The following DDR2 variants were observed in gnomAD, a reference collection of about 807,000 sequenced individuals.
The protein encoded by DDR2 is discoidin domain-containing receptor 2.
In DDR2, 27 loss-of-function variants were observed where a neutral mutation model predicts 94.9. The observed-to-expected ratio is 0.28, with a 90% confidence interval of 0.21 to 0.39. DDR2 has a LOEUF of 0.39. Ranked by LOEUF, DDR2 falls within the 10% of genes least tolerant of loss-of-function variation. DDR2 has a pLI of 1.00. For synonymous variants in DDR2, 382 were observed against 377.2 expected, an observed-to-expected ratio of 1.01 and a Z score of -0.15; for missense variants, 783 against 1,076.0, an observed-to-expected ratio of 0.73 and a Z score of 3.81.
At chr1:162,760,923 A>G (rs1346035178) in intron 8 of DDR2, among the ~76,000 whole-genome samples, 1 of 152,020 alleles carries the variant, frequency 6.6e-6, no homozygotes, top group African/African-American at 2.4e-5. Context: ...AGATACATAC[A>G]CACATATGTG....
In DDR2 at chr1:162,682,420, T is replaced by C. The variant is rs549144364; in HGVS notation, c.-28+27046T>C. On this transcript the variant is annotated intron_variant, in intron 2 of 17. Coordinates refer to ENST00000367921, the MANE Select transcript of DDR2 (RefSeq NM_006182.4). ...TGCAAGTACTGTCAGGCCAGGGGCC[T>C]GACCAGTGAACTGGAACTTTACTTC... Among the ~76,000 whole-genome samples the C allele has an allele frequency of 5.9e-5, 9 of 152,340 alleles. No individual in the cohort carries two copies. In the South Asian group the frequency reaches 1.9e-3, roughly 32 times the overall value.
chr1:162,775,120 A>G (rs752570373), intron 14 of DDR2, among the ~76,000 whole-genome samples: 2 of 152,158 alleles, frequency 1.3e-5, no homozygotes, highest in Non-Finnish European at 2.9e-5. Context: ...TACTAAATAC[A>G]TGTTGCAACT....
At chr1:162,694,623 C>A (rs1660105284) in intron 2 of DDR2, among the ~76,000 whole-genome samples, 2 of 152,034 alleles carry the variant, frequency 1.3e-5, no homozygotes, top group African/African-American at 4.8e-5. Flanking sequence ...CTCTAAGACA[C>A]ATGTGGGAAG....
intron 3 of DDR2, among the ~76,000 whole-genome samples, chr1:162,748,934 A>G (rs1322752802): frequency 6.6e-6 from 1 of 152,210 alleles, no homozygotes; most frequent in African/African-American, 2.4e-5. Context: ...GAAGGCAGAA[A>G]TAAAGATGTT....
At chr1:162,759,294 A>T (rs1210356464) in intron 7 of DDR2, among the ~76,000 whole-genome samples, 2 of 152,222 alleles carry the variant, frequency 1.3e-5, no homozygotes, top group African/African-American at 2.4e-5. Context: ...CTGAACAATG[A>T]CAATATGTAG....
intron 3 of DDR2, among the ~76,000 whole-genome samples, chr1:162,725,149 T>A (rs1661593936): frequency 1.3e-5 from 2 of 152,118 alleles, no homozygotes; most frequent in African/African-American, 4.8e-5. Context: ...CACAATAATC[T>A]TATTAGTATT....
chr1:162,718,123 A>T (rs1297966897), intron 2 of DDR2, among the ~76,000 whole-genome samples: 1 of 152,210 alleles, frequency 6.6e-6, no homozygotes, highest in Non-Finnish European at 1.5e-5. Flanking sequence ...ATAATTCAAT[A>T]CTGCTGTTTT....
At chr1:162,654,900 A>G (rs1411298163) in intron 1 of DDR2, among the ~76,000 whole-genome samples, 3 of 152,176 alleles carry the variant, frequency 2.0e-5, no homozygotes, top group African/African-American at 7.2e-5. Context: ...GTTGAAGATA[A>G]AGTTATTTTT....
At chr1:162,725,645 G>A (rs1661627004) in intron 3 of DDR2, among the ~76,000 whole-genome samples, 1 of 152,128 alleles carries the variant, frequency 6.6e-6, no homozygotes, top group Non-Finnish European at 1.5e-5. Context: ...ACAGGCATGA[G>A]CCACCACACC....
intron 2 of DDR2, among the ~76,000 whole-genome samples, chr1:162,711,076 A>G (rs1660888944): frequency 6.6e-6 from 1 of 152,230 alleles, no homozygotes; most frequent in Non-Finnish European, 1.5e-5. Flanking sequence ...TGGATCTGGA[A>G]AAATGGACTC....
chr1:162,675,238 G>T (rs569698658), intron 2 of DDR2, among the ~76,000 whole-genome samples: 4 of 152,328 alleles, frequency 2.6e-5, no homozygotes, highest in African/African-American at 9.6e-5. Context: ...GGATGATGCT[G>T]GATGGTGGAG....
intron 2 of DDR2, among the ~76,000 whole-genome samples, chr1:162,712,964 T>G (rs998153310): frequency 2.0e-5 from 3 of 152,154 alleles, no homozygotes; most frequent in African/African-American, 7.2e-5. Context: ...CCAACTCTAA[T>G]TCAGCACAAT....
At chr1:162,728,352 G>A (rs1661828111) in intron 3 of DDR2, among the ~76,000 whole-genome samples, 1 of 151,628 alleles carries the variant, frequency 6.6e-6, no homozygotes, top group Non-Finnish European at 1.5e-5. Context: ...GAGTTAGCTG[G>A]AGCTGAAAGA....
In DDR2 at chr1:162,670,381, C is replaced by T. The variant is rs139736240; in HGVS notation, c.-28+15007C>T. On this transcript the variant is annotated intron_variant, in intron 2 of 17. Transcript: ENST00000367921. ...TTGGCCTCCCAAGGTACTGGGATTA[C>T]AGGCGTGAGCCATTGTGCCTGGCAC... Among the ~76,000 whole-genome samples the T allele has an allele frequency of 6.4e-3, 981 of 152,348 alleles. 32 individuals are homozygous for T. Among genetic ancestry groups the T allele is most frequent in the East Asian group, 0.055 (284 of 5,184 alleles).
chr1:162,712,181 G>A (rs1453772313), intron 2 of DDR2, among the ~76,000 whole-genome samples: 1 of 149,252 alleles, frequency 6.7e-6, no homozygotes, highest in Non-Finnish European at 1.5e-5. Context: ...GGTGTCATGT[G>A]TGTACAACCA....
At chr1:162,648,466 T>C (rs879465029) in intron 1 of DDR2, among the ~76,000 whole-genome samples, 4 of 152,096 alleles carry the variant, frequency 2.6e-5, no homozygotes, top group African/African-American at 9.7e-5. Context: ...GCTTTGGATG[T>C]TGTGGAATTT....
At position 162,727,963 on chromosome 1, in the gene DDR2, A is replaced by ATATATATATATC. The variant is rs1553248674; in HGVS notation, c.82+8829_82+8830insCTATATATATAT. Reference sequence around the variant, plus strand: ...GTCGACAATCACACTATATATATCTATATATATATATATAGATATAATCAC... The same window carrying ATATATATATATC: ...GTCGACAATCACACTATATATATCTATATATATATATCTATATATATATATAGATATAATCAC... On this transcript the variant is annotated intron_variant, in intron 3 of 17. Transcript: ENST00000367921. Among the ~76,000 whole-genome samples the ATATATATATATC allele has an allele frequency of 1.1e-3, 132 of 125,608 alleles. 1 individual carries two copies. The highest frequency in any genetic ancestry group is 3.8e-3 in the African/African-American group (126 of 33,210). 82.4% of individuals were successfully genotyped at this position (125,608 alleles called of 152,430 possible). A position where few individuals can be genotyped will look rare whatever the true frequency, so the allele number is the denominator to read the frequency against.
chr1:162,644,497 C>G, intron 1 of DDR2, among the ~76,000 whole-genome samples: 1 of 152,174 alleles, frequency 6.6e-6, no homozygotes, highest in East Asian at 1.9e-4. Flanking sequence ...AACATATCCA[C>G]CAGACAGCCT....
chr1:162,776,697 A>G (rs1476293180), intron 16 of DDR2, among the ~76,000 whole-genome samples: 1 of 152,200 alleles, frequency 6.6e-6, no homozygotes, highest in Non-Finnish European at 1.5e-5. Flanking sequence ...AATGTTACCT[A>G]TACAAAATAT....
Sources: gnomAD v4.1 joint callset for allele counts (sites outside exome capture counted in the v4.1 genomes callset) on GRCh38, gnomAD v4.1.1 for gene constraint, MANE v1.5 for transcripts, NCBI Gene and HGNC (gene_info 2026-07-23, HGNC 2026-07-21) for gene names.